Variants in CDK19 observed in about 807,000 individuals in gnomAD.
The protein encoded by CDK19 is cyclin dependent kinase 19.
A neutral mutation model predicts 68.3 loss-of-function variants in CDK19; 20 were observed. The observed-to-expected ratio is 0.29, with a 90% CI of 0.21 to 0.43. The LOEUF is 0.43. CDK19 is among the 20% of genes least tolerant of loss of function. The pLI is 1.00. For synonymous variants in CDK19, 221 were observed against 222.8 expected (o/e 0.99, Z 0.07); for missense variants, 339 against 623.5 (o/e 0.54, Z 4.86).
Position 110,815,286 on chromosome 6 carries a change from G to A in CDK19, c.-150C>T, listed in dbSNP as rs1213634528. ...CCCGCCGCCCGCCGCTCCGCGGTCC[G>A]CCTTCAGCAAGGGACTCCTCGGCGG... On this transcript the variant is annotated 5_prime_UTR_variant, in exon 1 of 13. Transcript: ENST00000368911. The A allele has an allele frequency of 6.7e-6, 6 of 897,846 alleles. No homozygotes were observed. The highest frequency in any genetic ancestry group is 9.1e-6 in the Non-Finnish European group (6 of 661,806). The allele number at this position is 897,846 out of a possible 1,614,324, so 55.6% of individuals were successfully genotyped here. A position where few individuals can be genotyped will look rare whatever the true frequency, so the allele number is the denominator to read the frequency against.
intron 1 of CDK19, among the ~76,000 whole-genome samples, chr6:110,773,047 C>G (rs9918409): frequency 7.2e-6 from 1 of 139,728 alleles, no homozygotes; most frequent in African/African-American, 2.7e-5. Context: ...GAAACCCCGT[C>G]TCTTAAAAAA....
At chr6:110,760,825 CTAAG>C (rs1280794042) in intron 1 of CDK19, among the ~76,000 whole-genome samples, 1 of 152,190 alleles carries the variant, frequency 6.6e-6, no homozygotes, top group Non-Finnish European at 1.5e-5. Context: ...AGCAGGTAGA[CTAAG>C]TAACTCGCTC....
rs542585365 is a variant in CDK19, at chr6:110,642,074, G to A, written c.457-3368C>T. ...TCCCAGCACTTTGGGAGACCGAGGC[G>A]GGTGGATCACGAGGTCAGGAGTTCG... On this transcript the variant is annotated intron_variant, in intron 4 of 12. Transcript: ENST00000368911. 1.1e-4 allele frequency among the ~76,000 whole-genome samples: 16 copies of A among 152,106 alleles called. No individual in the cohort carries two copies. The East Asian group carries it at 2.3e-3, about 22-fold the overall frequency.
At chr6:110,770,955 T>G (rs1444453053) in intron 1 of CDK19, among the ~76,000 whole-genome samples, 1 of 152,206 alleles carries the variant, frequency 6.6e-6, no homozygotes, top group Non-Finnish European at 1.5e-5. Flanking sequence ...CAGGTCACAC[T>G]GATGTGAGAA....
intron 1 of CDK19, among the ~76,000 whole-genome samples, chr6:110,756,362 C>T (rs1778835553): frequency 6.6e-6 from 1 of 151,412 alleles, no homozygotes; most frequent in African/African-American, 2.4e-5. Flanking sequence ...TGTATTCCAG[C>T]CTGGGAGACA....
rs147769335 is a variant in CDK19 at position 110,712,284 on chromosome 6, A to T, written c.204+33842T>A. On this transcript the variant is annotated intron_variant, in intron 2 of 12. Coordinates refer to ENST00000368911, the MANE Select transcript of CDK19 (RefSeq NM_015076.5). ...AACTTTGCTAAATATATTTGAGCAT[A>T]GAATCTTCTCCTCTCTTCCAAAGCA... is the stretch of plus-strand genomic sequence containing the variant. Among the ~76,000 whole-genome samples the T allele has an allele frequency of 1.2e-4, 18 of 152,350 alleles. No homozygotes were observed. In the East Asian group the frequency reaches 3.5e-3, roughly 29 times the overall value.
chr6:110,688,223 T>G (rs946471747), intron 2 of CDK19, among the ~76,000 whole-genome samples: 3 of 151,624 alleles, frequency 2.0e-5, no homozygotes, highest in Non-Finnish European at 2.9e-5. Context: ...TCATCTCTAC[T>G]AAAAATAAAA....
Position 110,626,781 on chromosome 6 carries a change from T to C in CDK19, c.855A>G (p.Arg285=). 1 of 1,558,604 alleles carries C rather than the reference T, an allele frequency of 6.4e-7. No individual in the cohort carries two copies. Among genetic ancestry groups the C allele is most frequent in the Non-Finnish European group, 8.8e-7 (1 of 1,139,358 alleles). Residue 285 remains arginine, a synonymous_variant, in exon 8 of 13, where the codon AGA becomes AGG. Transcript: ENST00000368911. The part of the protein sequence containing the change: ...EYPTLQKDFR[R]TTYANSSLIK... ...GACTGTGTGGAATTACTTACGTTGT[T>C]CTTCTAAAGTCTTTTTGAAGTGTGG...
intron 2 of CDK19, among the ~76,000 whole-genome samples, chr6:110,740,757 A>G (rs1777595565): frequency 1.3e-5 from 2 of 152,166 alleles, no homozygotes; most frequent in Non-Finnish European, 2.9e-5. Context: ...ACTACAAAAT[A>G]CTAGGCATTA....
chr6:110,750,763 GAT>G (rs1329899186), intron 1 of CDK19, among the ~76,000 whole-genome samples: 6 of 152,192 alleles, frequency 3.9e-5, no homozygotes, highest in Non-Finnish European at 8.8e-5. Context: ...GTAGCACATA[GAT>G]AAGAAGACTT....
At chr6:110,715,612 C>T (rs74422674) in intron 2 of CDK19, among the ~76,000 whole-genome samples, 2 of 152,070 alleles carry the variant, frequency 1.3e-5, no homozygotes, top group African/African-American at 2.4e-5. Flanking sequence ...CTCAGTCCCC[C>T]GAGTACTTGA....
intron 2 of CDK19, among the ~76,000 whole-genome samples, chr6:110,738,338 C>CGGGG (rs1447011459): frequency 6.7e-6 from 1 of 148,994 alleles, no homozygotes; most frequent in Non-Finnish European, 1.5e-5. Context: ...GGTGAAACCC[C>CGGGG]ATCTCTGCTA....
At chr6:110,680,582 G>A (rs981722273) in intron 2 of CDK19, among the ~76,000 whole-genome samples, 2 of 152,116 alleles carry the variant, frequency 1.3e-5, no homozygotes, top group Non-Finnish European at 2.9e-5. Context: ...CAACCTAAAT[G>A]TTCAATAATA....
intron 5 of CDK19, among the ~76,000 whole-genome samples, chr6:110,636,545 G>A (rs146707133): frequency 5.2e-4 from 79 of 152,316 alleles, no homozygotes; most frequent in Non-Finnish European, 8.1e-4. Context: ...AGAACAAATG[G>A]TTTACTGCAG....
intron 2 of CDK19, among the ~76,000 whole-genome samples, chr6:110,721,480 G>C (rs2114744207): frequency 6.6e-6 from 1 of 152,130 alleles, no homozygotes; most frequent in Non-Finnish European, 1.5e-5. Flanking sequence ...GCAAATTCAA[G>C]TTTAGGTAAG....
In CDK19 at chr6:110,736,935, C is replaced by A. The variant is rs148045509; in HGVS notation, c.204+9191G>T. On this transcript the variant is annotated intron_variant, in intron 2 of 12. Coordinates refer to ENST00000368911, the MANE Select transcript of CDK19 (RefSeq NM_015076.5). Reference sequence around the variant, plus strand: ...ATAGGGAATTAATGGCCAATTAAATCTAACTGCTTAGAGCAAGAATATTAA... The same window carrying A: ...ATAGGGAATTAATGGCCAATTAAATATAACTGCTTAGAGCAAGAATATTAA... Among the ~76,000 whole-genome samples, 51 of 152,294 alleles carry A rather than the reference C, an allele frequency of 3.3e-4. No homozygotes were observed. The East Asian group carries it at 7.7e-3, about 23-fold the overall frequency.
intron 1 of CDK19, among the ~76,000 whole-genome samples, chr6:110,810,693 G>C (rs1319381229): frequency 6.6e-6 from 1 of 151,542 alleles, no homozygotes; most frequent in Non-Finnish European, 1.5e-5. Flanking sequence ...ACAATCGCTG[G>C]AACCCAAGAG....
At chr6:110,642,287 C>T (rs184576979) in intron 4 of CDK19, among the ~76,000 whole-genome samples, 1,321 of 131,924 alleles carry the variant, frequency 0.01, 20 homozygotes, top group African/African-American at 0.037. Flanking sequence ...CCAGCCTAGG[C>T]GACAGAGTGA....
At chr6:110,807,211 G>GA (rs1164422872) in intron 1 of CDK19, among the ~76,000 whole-genome samples, 2 of 151,722 alleles carry the variant, frequency 1.3e-5, no homozygotes, top group Non-Finnish European at 2.9e-5. Flanking sequence ...AGGCTGAGGT[G>GA]AAACAATCGC....
Sources: allele counts gnomAD v4.1 joint callset (sites outside exome capture counted in the v4.1 genomes callset), GRCh38; gene constraint gnomAD v4.1.1; transcripts MANE v1.5; gene names NCBI Gene and HGNC (gene_info 2026-07-23, HGNC 2026-07-21).